The following ATP7A variants were observed in gnomAD, a reference collection of about 807,000 sequenced individuals.
ATP7A encodes ATPase copper transporting alpha, also known as copper-transporting ATPase 1.
Under a neutral mutation model 83.5 loss-of-function variants are expected in ATP7A, and 7 were observed. That is an observed-to-expected ratio of 0.08 (90% confidence interval 0.05 to 0.16). The LOEUF (loss-of-function observed/expected upper bound fraction) is 0.16, where lower values mean the gene tolerates loss of function less well. ATP7A is among the 10% of genes least tolerant of loss of function. The pLI is 1.00. For missense variants in ATP7A, 940 were observed against 1,120.8 expected, an observed-to-expected ratio of 0.84 and a Z score of 2.30; for synonymous variants, 354 against 395.2, an observed-to-expected ratio of 0.90 and a Z score of 1.24.
At chrX:78,037,671 G>A (rs2078021887) in intron 17 of ATP7A, among the ~76,000 whole-genome samples, 2 of 111,975 alleles carry the variant, frequency 1.8e-5, no homozygotes, top group African/African-American at 6.5e-5. Flanking sequence ...TATCCTAGAA[G>A]CCAAATGAAG....
Position 78,046,281 on chromosome X carries a change from T to C in ATP7A, c.4227-13T>C. On this transcript the variant is annotated splice_polypyrimidine_tract_variant and intron_variant, in intron 22 of 22. Coordinates refer to ENST00000341514, the MANE Select transcript of ATP7A (RefSeq NM_000052.7). ...TGGTTATTTGAAACTAGCATACTTT[T>C]GCATATGTCCAGTTACAGGAAACCA... 8.3e-7 allele frequency: 1 copy of C among 1,210,513 alleles called. No individual in the cohort carries two copies. Among genetic ancestry groups the C allele is most frequent in the South Asian group, 1.8e-5 (1 of 56,964 alleles).
intron 1 of ATP7A, among the ~76,000 whole-genome samples, chrX:77,913,837 A>G (rs2077172539): frequency 8.9e-6 from 1 of 111,802 alleles, no homozygotes; most frequent in African/African-American, 3.2e-5. Context: ...CACATTTAAA[A>G]TTATACAGCT....
chrX:77,980,259 C>T (rs1275747299), intron 2 of ATP7A, among the ~76,000 whole-genome samples: 3 of 110,697 alleles, frequency 2.7e-5, no homozygotes, highest in African/African-American at 6.6e-5. Context: ...ACCAGCCTGA[C>T]CAACATGGTG....
At chrX:77,955,566 A>G (rs1170828154) in intron 1 of ATP7A, among the ~76,000 whole-genome samples, 1 of 111,776 alleles carries the variant, frequency 8.9e-6, no homozygotes, top group East Asian at 2.8e-4. Context: ...TGATGTTTTG[A>G]TACATCTACA....
At position 78,046,606 on chromosome X, in the gene ATP7A, T is replaced by G. The variant is rs782484486; in HGVS notation, c.*36T>G. On this transcript the variant is annotated 3_prime_UTR_variant, in exon 23 of 23. Coordinates refer to ENST00000341514, the MANE Select transcript of ATP7A (RefSeq NM_000052.7). The stretch of plus-strand genomic sequence containing the variant: ...AGAGTGCTGCCAGTTTAACTTGTCA[T>G]GCACTGACACAGCATTCATGATGTT... 8.3e-7 allele frequency: 1 copy of G among 1,197,777 alleles called. No homozygotes were observed. The highest frequency in any genetic ancestry group is 1.1e-6 in the Non-Finnish European group (1 of 883,181).
intron 1 of ATP7A, among the ~76,000 whole-genome samples, chrX:77,970,891 C>T (rs782376382): frequency 1.1e-4 from 12 of 111,173 alleles, no homozygotes; most frequent in Non-Finnish European, 1.7e-4. Flanking sequence ...GAAGGTGGTA[C>T]GTTCTATGAA....
At chrX:77,959,036 C>A (rs1195326576) in intron 1 of ATP7A, among the ~76,000 whole-genome samples, 1 of 110,734 alleles carries the variant, frequency 9.0e-6, no homozygotes, top group Non-Finnish European at 1.9e-5. Context: ...GATCTGCTCC[C>A]CTCAGCCTCC....
At chrX:77,913,948 A>G (rs2077172920) in intron 1 of ATP7A, among the ~76,000 whole-genome samples, 1 of 112,715 alleles carries the variant, frequency 8.9e-6, no homozygotes, top group Non-Finnish European at 1.9e-5. Context: ...CATTTTTAAC[A>G]ATTTACCAGT....
chrX:77,970,649 G>A (rs1417471285), intron 1 of ATP7A, among the ~76,000 whole-genome samples: 2 of 111,711 alleles, frequency 1.8e-5, no homozygotes, highest in African/African-American at 3.3e-5. Context: ...TCCAGCCTGC[G>A]AGACAGAATT....
At chrX:77,991,020 G>T (rs2077666252) in intron 4 of ATP7A, among the ~76,000 whole-genome samples, 2 of 111,617 alleles carry the variant, frequency 1.8e-5, no homozygotes, top group Admixed American at 1.9e-4. Context: ...TTCTGTTGGT[G>T]ACAAATGGTA....
chrX:77,917,397 T>C (rs2149039937), intron 1 of ATP7A, among the ~76,000 whole-genome samples: 1 of 111,639 alleles, frequency 9.0e-6, no homozygotes, highest in South Asian at 3.8e-4. Flanking sequence ...TCTACTCTAA[T>C]TTGTTTAAGT....
intron 2 of ATP7A, among the ~76,000 whole-genome samples, chrX:77,985,985 A>G (rs2077634350): frequency 8.9e-6 from 1 of 112,056 alleles, no homozygotes; most frequent in South Asian, 3.7e-4. Context: ...CAAGGACACA[A>G]AAGCCTTCAT....
intron 1 of ATP7A, among the ~76,000 whole-genome samples, chrX:77,922,166 A>G (rs938151025): frequency 9.0e-6 from 1 of 111,092 alleles, no homozygotes; most frequent in Admixed American, 9.6e-5. Context: ...GTGTTAAATG[A>G]AAAGAAACAT....
In ATP7A at chrX:78,029,881, A is replaced by G. The variant is rs782374246; in HGVS notation, c.3111+437A>G. 3.6e-5 allele frequency among the ~76,000 whole-genome samples: 4 copies of G among 111,935 alleles called. No individual in the cohort carries two copies. In the South Asian group the frequency reaches 1.1e-3, roughly 31 times the overall value. On this transcript the variant is annotated intron_variant, in intron 15 of 22. Transcript: ENST00000341514. ...TGCCACCAGCCGACAGTTTGCAGCT[A>G]TGACTTTAGGAATATAATCCTATCT...
At chrX:77,978,992 C>T (rs1557230636) in intron 2 of ATP7A, among the ~76,000 whole-genome samples, 1 of 110,013 alleles carries the variant, frequency 9.1e-6, no homozygotes. Flanking sequence ...GCATCATGCC[C>T]GGCTAATTTT....
chrX:78,005,745 G>C (rs1296288165), intron 6 of ATP7A, among the ~76,000 whole-genome samples: 2 of 98,219 alleles, frequency 2.0e-5, no homozygotes, highest in African/African-American at 7.5e-5. Context: ...GGATTTGGAA[G>C]CGTTTTTCTA....
At chrX:78,002,804 A>G (rs1447859685) in intron 5 of ATP7A, among the ~76,000 whole-genome samples, 1 of 75,674 alleles carries the variant, frequency 1.3e-5, no homozygotes, top group African/African-American at 7.7e-5. Context: ...TCTTATACAC[A>G]CACACACACA....
intron 5 of ATP7A, among the ~76,000 whole-genome samples, chrX:77,999,775 A>C (rs2077727244): frequency 9.0e-6 from 1 of 110,524 alleles, no homozygotes; most frequent in Admixed American, 9.7e-5. Flanking sequence ...GTAGTGGCGC[A>C]TGCCTGGAGT....
At chrX:77,999,355 A>T (rs1402436707) in intron 5 of ATP7A, among the ~76,000 whole-genome samples, 1 of 111,785 alleles carries the variant, frequency 8.9e-6, no homozygotes. Context: ...TAAGAATTTC[A>T]TTATTACTAT....
Sources: gnomAD v4.1 joint callset for allele counts (sites outside exome capture counted in the v4.1 genomes callset) on GRCh38, gnomAD v4.1.1 for gene constraint, MANE v1.5 for transcripts, NCBI Gene and HGNC (gene_info 2026-07-23, HGNC 2026-07-21) for gene names.